Variants in CNTN4 observed in about 807,000 individuals in gnomAD.
CNTN4 encodes contactin-4.
A neutral mutation model predicts 122.5 loss-of-function variants in CNTN4; 77 were observed. That is an observed-to-expected ratio of 0.63 (90% CI 0.52 to 0.76). CNTN4 has a LOEUF of 0.76. Among genes scored for constraint, CNTN4 ranks in the 30% least tolerant of loss-of-function variants. The pLI is 0.00. For synonymous variants in CNTN4, 512 were observed against 447.0 expected (o/e 1.15, Z -1.83); for missense variants, 1,256 against 1,259.1 (o/e 1.00, Z 0.04).
intron 4 of CNTN4, among the ~76,000 whole-genome samples, chr3:2,719,027 G>T (rs1022944040): frequency 2.0e-5 from 3 of 152,020 alleles, no homozygotes; most frequent in South Asian, 4.1e-4. Flanking sequence ...AGAACTACTG[G>T]ACTAGATAAG....
At chr3:2,510,875 A>C (rs144310965) in intron 3 of CNTN4, among the ~76,000 whole-genome samples, 1 of 152,226 alleles carries the variant, frequency 6.6e-6, no homozygotes, top group East Asian at 1.9e-4. Flanking sequence ...TGGAATCCAT[A>C]TCACCAGTTC....
chr3:2,954,290 T>A (rs1338436768), intron 13 of CNTN4, among the ~76,000 whole-genome samples: 1 of 152,130 alleles, frequency 6.6e-6, no homozygotes, highest in Non-Finnish European at 1.5e-5. Flanking sequence ...TCTTTCACCT[T>A]CTCCCTTTAG....
intron 3 of CNTN4, among the ~76,000 whole-genome samples, chr3:2,448,409 C>T (rs996448896): frequency 6.6e-6 from 1 of 152,184 alleles, no homozygotes; most frequent in Non-Finnish European, 1.5e-5. Context: ...GGACACTATT[C>T]TCGACTGTTG....
At chr3:2,994,726 T>G (rs1205774434) in intron 14 of CNTN4, among the ~76,000 whole-genome samples, 1 of 152,078 alleles carries the variant, frequency 6.6e-6, no homozygotes, top group Non-Finnish European at 1.5e-5. Flanking sequence ...TATCAACCTT[T>G]CCATGCATAG....
intron 24 of CNTN4, 60 bp downstream of exon 24, chr3:3,054,035 A>G (rs1701540043): frequency 1.3e-6 from 2 of 1,559,408 alleles, no homozygotes; most frequent in Admixed American, 1.7e-5. Context: ...AGCCTTCCAG[A>G]TGAGTCAGGG....
chr3:2,535,992 A>G (rs904856941), intron 3 of CNTN4, among the ~76,000 whole-genome samples: 1 of 152,140 alleles, frequency 6.6e-6, no homozygotes, highest in Non-Finnish European at 1.5e-5. Flanking sequence ...CCGTTTTGCT[A>G]TTAGTGCCAA....
chr3:3,036,553 A>T (rs1195882673), intron 17 of CNTN4, among the ~76,000 whole-genome samples: 1 of 152,096 alleles, frequency 6.6e-6, no homozygotes, highest in Non-Finnish European at 1.5e-5. Flanking sequence ...GCTTGAGCCC[A>T]GGAGTTTGAG....
chr3:2,895,297 A>G (rs762226077), intron 10 of CNTN4, among the ~76,000 whole-genome samples: 9 of 152,216 alleles, frequency 5.9e-5, no homozygotes, highest in Non-Finnish European at 1.2e-4. Context: ...GACTTTCAAT[A>G]TTAACCTAAA....
intron 2 of CNTN4, among the ~76,000 whole-genome samples, chr3:2,315,949 A>G (rs1005839190): frequency 5.9e-5 from 9 of 152,064 alleles, no homozygotes; most frequent in Non-Finnish European, 1.2e-4. Flanking sequence ...CTTAATGCCA[A>G]TCCCAAATAT....
chr3:2,109,018 A>C (rs1430042903), intron 2 of CNTN4, among the ~76,000 whole-genome samples: 1 of 152,236 alleles, frequency 6.6e-6, no homozygotes, highest in Non-Finnish European at 1.5e-5. Flanking sequence ...TGGGGCAAGC[A>C]AGTCAGTGAG....
chr3:2,925,559 G>GA, intron 12 of CNTN4, 70 bp from the exon 13 acceptor site: 4 of 1,519,586 alleles, frequency 2.6e-6, no homozygotes, highest in Non-Finnish European at 3.6e-6. Flanking sequence ...AAGAAAGAAA[G>GA]AAAAAGACTA....
chr3:2,781,741 TTGA>T (rs2091577747), intron 6 of CNTN4, among the ~76,000 whole-genome samples: 2 of 126,968 alleles, frequency 1.6e-5, no homozygotes, highest in African/African-American at 7.1e-5. Context: ...TTTTTTTTTT[TTGA>T]GACGGAGTGT....
intron 10 of CNTN4, among the ~76,000 whole-genome samples, chr3:2,894,146 A>G (rs1450892232): frequency 6.6e-6 from 1 of 152,234 alleles, no homozygotes; most frequent in Admixed American, 6.5e-5. Flanking sequence ...CTGTCTTACT[A>G]GAATAAAAGT....
chr3:2,914,384 TC>T (rs2094332939), intron 12 of CNTN4, among the ~76,000 whole-genome samples: 1 of 151,918 alleles, frequency 6.6e-6, no homozygotes, highest in African/African-American at 2.4e-5. Context: ...TTTAAAAAGA[TC>T]AACCAAATTG....
intron 3 of CNTN4, among the ~76,000 whole-genome samples, chr3:2,457,807 T>C (rs977660893): frequency 6.6e-6 from 1 of 152,170 alleles, no homozygotes; most frequent in African/African-American, 2.4e-5. Flanking sequence ...AATGCCCTTC[T>C]CAAGGTACGT....
At chr3:2,249,569 T>G (rs2040295867) in intron 2 of CNTN4, among the ~76,000 whole-genome samples, 1 of 151,890 alleles carries the variant, frequency 6.6e-6, no homozygotes, top group South Asian at 2.1e-4. Flanking sequence ...AGTTTAGTCA[T>G]TTGTTGAGGT....
At chr3:2,551,042 G>A (rs2078482219) in intron 3 of CNTN4, among the ~76,000 whole-genome samples, 1 of 151,906 alleles carries the variant, frequency 6.6e-6, no homozygotes, top group African/African-American at 2.4e-5. Context: ...CATGGCACGT[G>A]TATACCTATG....
chr3:2,207,194 T>G (rs2149418650), intron 2 of CNTN4, among the ~76,000 whole-genome samples: 1 of 152,130 alleles, frequency 6.6e-6, no homozygotes, highest in East Asian at 1.9e-4. Context: ...TCTGTCTCTC[T>G]TAGGACCTCC....
intron 13 of CNTN4, among the ~76,000 whole-genome samples, chr3:2,945,421 A>C (rs893104054): frequency 4.6e-5 from 7 of 152,156 alleles, no homozygotes; most frequent in African/African-American, 7.2e-5. Context: ...AAGCAGACTC[A>C]GGGAATATGA....
Sources: gnomAD v4.1 joint callset for allele counts (sites outside exome capture counted in the v4.1 genomes callset) on GRCh38, gnomAD v4.1.1 for gene constraint, MANE v1.5 for transcripts, NCBI Gene and HGNC (gene_info 2026-07-23, HGNC 2026-07-21) for gene names.